SLF2: variants seen among roughly 807,000 people sequenced by gnomAD.
The protein encoded by SLF2 is SMC5/6 complex localization factor 2.
Under a neutral mutation model 124.3 loss-of-function variants are expected in SLF2, and 68 were observed. The ratio of observed to expected loss-of-function variants is 0.55; its 90% CI spans 0.45 to 0.67. The LOEUF (loss-of-function observed/expected upper bound fraction) is 0.67, where lower values mean the gene tolerates loss of function less well. Among genes scored for constraint, SLF2 ranks in the 30% least tolerant of loss-of-function variants. SLF2 has a pLI of 0.00. For synonymous variants in SLF2, 480 were observed against 478.8 expected, an observed-to-expected ratio of 1.00 and a Z score of -0.03; for missense variants, 1,246 against 1,373.7, an observed-to-expected ratio of 0.91 and a Z score of 1.47.
chr10:100,950,925 G>T (rs1212558457), intron 17 of SLF2, among the ~76,000 whole-genome samples, 172 bp downstream of exon 17: 1 of 152,030 alleles, frequency 6.6e-6, no homozygotes, highest in Non-Finnish European at 1.5e-5. Context: ...CATGATAATG[G>T]TCTTGTAACT....
chr10:100,949,930 A>T, intron 15 of SLF2, 146 bp from the exon 16 acceptor site: 1 of 797,682 alleles, frequency 1.3e-6, no homozygotes, highest in Non-Finnish European at 1.8e-6. Context: ...TCAGGGTTTT[A>T]CATAAAGGGA....
intron 11 of SLF2, among the ~76,000 whole-genome samples, chr10:100,941,352 G>C (rs1008293910): frequency 5.9e-5 from 9 of 152,126 alleles, no homozygotes; most frequent in Non-Finnish European, 8.8e-5. Flanking sequence ...TAGATACATA[G>C]ACTTAAAATT....
chr10:100,953,583 T>C (rs1850265024), intron 17 of SLF2, among the ~76,000 whole-genome samples: 1 of 152,040 alleles, frequency 6.6e-6, no homozygotes, highest in Non-Finnish European at 1.5e-5. Flanking sequence ...ACATATAATA[T>C]ACTAACAATT....
intron 6 of SLF2, 71 bp downstream of exon 6, chr10:100,926,090 C>T (rs761354010): frequency 1.9e-6 from 3 of 1,612,670 alleles, no homozygotes; most frequent in Non-Finnish European, 2.5e-6. Context: ...TTTTAATTTA[C>T]CTTTTTTAAA....
At chr10:100,929,691 A>G (rs779204719) in intron 7 of SLF2, 139 bp from the exon 8 acceptor site, 84 of 703,918 alleles carry the variant, frequency 1.2e-4, no homozygotes, top group Non-Finnish European at 1.7e-4. Context: ...GAAGAAGCAA[A>G]GCATACTTTT....
At chr10:100,944,451 T>C (rs1053162443) in intron 12 of SLF2, among the ~76,000 whole-genome samples, 9 of 139,544 alleles carry the variant, frequency 6.4e-5, no homozygotes, top group Non-Finnish European at 1.1e-4. Context: ...GCCGGGATCG[T>C]GCCACTGCAC....
intron 6 of SLF2, chr10:100,926,407 T>A: frequency 1.2e-6 from 1 of 847,494 alleles, no homozygotes; most frequent in African/African-American, 1.7e-5. Flanking sequence ...AGTTTGAGAC[T>A]AGCCTGGGCA....
At chr10:100,959,574 T>C (rs1428010208) in intron 19 of SLF2, 78 bp downstream of exon 19, 1 of 1,585,074 alleles carries the variant, frequency 6.3e-7, no homozygotes, top group Non-Finnish European at 8.6e-7. Flanking sequence ...TGAAATAAAA[T>C]AGGGTATAAC....
chr10:100,922,906 G>A (rs1175858705), intron 4 of SLF2, among the ~76,000 whole-genome samples: 3 of 151,796 alleles, frequency 2.0e-5, no homozygotes, highest in African/African-American at 7.3e-5. Flanking sequence ...CTCCCAAGTA[G>A]CTGGGAGTAC....
chr10:100,958,822 G>T (rs1850377832), intron 18 of SLF2, among the ~76,000 whole-genome samples: 1 of 152,208 alleles, frequency 6.6e-6, no homozygotes, highest in African/African-American at 2.4e-5. Flanking sequence ...TCTCTAGAGT[G>T]ATAGAGTTTG....
intron 9 of SLF2, among the ~76,000 whole-genome samples, chr10:100,936,865 T>TA (rs36074599): frequency 0.014 from 2,044 of 146,604 alleles, 40 homozygotes; most frequent in African/African-American, 0.043. Context: ...ATGAAAGTTG[T>TA]AAAAAAAAAA....
At chr10:100,925,923 A>G in intron 5 of SLF2, 26 bp from the exon 6 acceptor site, 2 of 1,550,074 alleles carry the variant, frequency 1.3e-6, no homozygotes, top group Non-Finnish European at 1.7e-6. Flanking sequence ...CATGTGGTAA[A>G]GTATTTCTAA....
At chr10:100,920,249 G>A (rs535405572) in intron 4 of SLF2, among the ~76,000 whole-genome samples, 2 of 152,218 alleles carry the variant, frequency 1.3e-5, no homozygotes, top group South Asian at 4.1e-4. Context: ...TTTATATAAG[G>A]GGCTGCTGCT....
rs1850476469 is a variant in SLF2 at position 100,964,493 on chromosome 10, GT to G, written c.*2582del. On this transcript the variant is annotated 3_prime_UTR_variant, in exon 20 of 20. Coordinates refer to ENST00000238961, the MANE Select transcript of SLF2 (RefSeq NM_018121.4). ...ATGCACAAAATGCATTGATGTAGCC[GT>G]AAAGTAACAGCATTTGTACATTTTC... 6.6e-6 allele frequency: 1 copy of G among 152,638 alleles called. No homozygotes were observed. 9.5% of individuals were successfully genotyped at this position (152,638 alleles called of 1,614,324 possible).
chr10:100,919,966 T>C (rs913891588), intron 4 of SLF2, among the ~76,000 whole-genome samples: 3 of 152,254 alleles, frequency 2.0e-5, no homozygotes, highest in Non-Finnish European at 4.4e-5. Context: ...ACTGGTAAAA[T>C]CAATCTTCAG....
intron 17 of SLF2, among the ~76,000 whole-genome samples, chr10:100,952,474 G>A (rs1408331327): frequency 6.6e-6 from 1 of 151,376 alleles, no homozygotes; most frequent in Non-Finnish European, 1.5e-5. Flanking sequence ...CTGAACCCAG[G>A]AGGTGGAGGT....
At chr10:100,957,102 C>T (rs1300020888) in intron 18 of SLF2, among the ~76,000 whole-genome samples, 1 of 152,148 alleles carries the variant, frequency 6.6e-6, no homozygotes. Context: ...GAGAAAAATA[C>T]TTCTAGTACT....
chr10:100,943,544 A>G (rs1850020062), intron 11 of SLF2: 1 of 152,280 alleles, frequency 6.6e-6, no homozygotes, highest in African/African-American at 2.4e-5. Context: ...ATGAATCTTC[A>G]CTGATAACCT....
At chr10:100,927,465 A>G (rs970837465) in intron 6 of SLF2, among the ~76,000 whole-genome samples, 5 of 152,204 alleles carry the variant, frequency 3.3e-5, no homozygotes, top group Non-Finnish European at 7.3e-5. Context: ...TATTATGTAT[A>G]TAACACATTT....
Sources: gnomAD v4.1 joint callset for allele counts (sites outside exome capture counted in the v4.1 genomes callset) on GRCh38, gnomAD v4.1.1 for gene constraint, MANE v1.5 for transcripts, NCBI Gene and HGNC (gene_info 2026-07-23, HGNC 2026-07-21) for gene names.